The following ZNF469 variants were observed in gnomAD, a reference collection of about 807,000 sequenced individuals.
ZNF469 encodes the protein zinc finger protein 469.
A neutral mutation model predicts 1.0 loss-of-function variants in ZNF469; 1 was observed. That is an observed-to-expected ratio of 1.00 (90% CI 0.35 to 4.73). The LOEUF (loss-of-function observed/expected upper bound fraction) is 4.73. Ranked by LOEUF, ZNF469 falls within the 30% of genes most tolerant of loss-of-function variation. The probability of loss-of-function intolerance (pLI) is 0.16; values close to 1 mark genes in which losing one functional copy is unlikely to be tolerated. For missense variants in ZNF469, 6,100 were observed against 5,356.3 expected (o/e 1.14, Z -4.33); for synonymous variants, 2,703 against 2,363.4 (o/e 1.14, Z -4.17).
rs1281294858 is a variant in ZNF469 at position 88,431,663 on chromosome 16, T to G, written c.4193T>G (p.Leu1398Arg). Reference protein sequence around the residue: ...KDLAGCFLEELHPKPSARDAP... With the variant: ...KDLAGCFLEERHPKPSARDAP... ...CTGGCTGGCTGTTTCCTGGAAGAACTGCACCCCAAGCCCTCAGCCAGGGAT... is the reference window on the plus strand; with the variant it reads ...CTGGCTGGCTGTTTCCTGGAAGAACGGCACCCCAAGCCCTCAGCCAGGGAT... Residue 1398 changes from leucine (L) to arginine (R), a missense_variant, in exon 3 of 3, where the codon CTG (leucine) becomes CGG (arginine). Physicochemically the swap from Leu to Arg is moderately radical, Grantham distance 102 (BLOSUM62 -2). Transcript: ENST00000565624. The G allele has an allele frequency of 1.5e-5, 23 of 1,550,396 alleles. No individual in the cohort carries two copies. The highest frequency in any genetic ancestry group is 1.8e-5 in the Non-Finnish European group (21 of 1,146,966).
the ZNF469 span, among the ~76,000 whole-genome samples, chr16:88,355,208 C>T: frequency 2.0e-5 from 3 of 152,194 alleles, no homozygotes; most frequent in Non-Finnish European, 4.4e-5. Context: ...CTCCCAGAGT[C>T]CACTGTGCAG....
rs1005796751 is a variant in ZNF469, at chr16:88,435,868, C to A, written c.8398C>A (p.Leu2800Met). 41 of 1,550,162 alleles carry A rather than the reference C, an allele frequency of 2.6e-5. No homozygotes were observed. The highest frequency in any genetic ancestry group is 3.5e-5 in the Non-Finnish European group (40 of 1,146,964). ...GGAGAACACGCCCCCCTTGGGCCCC[C>A]TGGGTTTTCCCGAGACTTCCAGCTC... ...WEENTPPLGPLGFPETSSSPA... is the reference protein window; with the variant it reads ...WEENTPPLGPMGFPETSSSPA... Residue 2800 changes from leucine (L) to methionine (M), a missense_variant, in exon 3 of 3, where the codon CTG (leucine) becomes ATG (methionine). Coordinates refer to ENST00000565624, the MANE Select transcript of ZNF469 (RefSeq NM_001367624.2).
In ZNF469 at chr16:88,434,084, A is replaced by T; in HGVS notation, c.6614A>T (p.Asp2205Val). ...APPSLTTSPC[D>V]PKEALAGCLL... ...CCGTCTTTGACAACAAGCCCCTGCG[A>T]TCCCAAGGAAGCCCTGGCTGGTTGC... The change falls in exon 3 of 3, where the codon GAT becomes GTT. Residue 2205 changes from aspartate (D) to valine (V), a missense_variant. Coordinates refer to ENST00000565624, the MANE Select transcript of ZNF469 (RefSeq NM_001367624.2). 1 of 1,550,370 alleles carries T rather than the reference A, an allele frequency of 6.5e-7. No homozygotes were observed. Among genetic ancestry groups the T allele is most frequent in the Non-Finnish European group, 8.7e-7 (1 of 1,146,942 alleles).
At chr16:88,380,345 ACACACATGCG>A (rs1181175980), upstream of ZNF469, among the ~76,000 whole-genome samples, 862 of 111,122 alleles carry the variant, frequency 7.8e-3, 47 homozygotes, top group African/African-American at 0.03. Flanking sequence ...ACATGCGCTC[ACACACATGCG>A]CTCACACACA....
chr16:88,303,101 GTGTC>G, the ZNF469 span, among the ~76,000 whole-genome samples: 1 of 152,170 alleles, frequency 6.6e-6, no homozygotes, highest in South Asian at 2.1e-4. Context: ...TACTCCCCTG[GTGTC>G]TGTCTGTTAA....
intron 1 of ZNF469, among the ~76,000 whole-genome samples, chr16:88,403,557 G>A (rs1018251214): frequency 6.6e-5 from 10 of 151,742 alleles, no homozygotes; most frequent in Non-Finnish European, 1.3e-4. Flanking sequence ...CGAGGCCACC[G>A]TCTGCAGAGG....
At chr16:88,137,777 C>G in the ZNF469 span, among the ~76,000 whole-genome samples, 1 of 152,162 alleles carries the variant, frequency 6.6e-6, no homozygotes, top group South Asian at 2.1e-4. Context: ...TTCTTTACAA[C>G]TGAGGAGGAG....
At chr16:88,379,932 A>G (rs1199439808), upstream of ZNF469, among the ~76,000 whole-genome samples, 1 of 152,132 alleles carries the variant, frequency 6.6e-6, no homozygotes, top group Non-Finnish European at 1.5e-5. Context: ...CCCTGTTGTC[A>G]CCATGCTTGT....
chr16:88,372,074 TCACCACCATCATCACCATCAC>T, the ZNF469 span, among the ~76,000 whole-genome samples: 2 of 3,990 alleles, frequency 5.0e-4, no homozygotes, highest in Admixed American at 6.7e-3. Context: ...ATCATCACCA[TCACCACCATCATCACCATCAC>T]CACCATCATC....
chr16:88,388,590 C>T (rs1385997606), intron 1 of ZNF469, among the ~76,000 whole-genome samples: 1 of 152,216 alleles, frequency 6.6e-6, no homozygotes, highest in African/African-American at 2.4e-5. Context: ...CTCTGCATTC[C>T]GGGCAGGGGC....
chr16:88,180,986 G>A, the ZNF469 span, among the ~76,000 whole-genome samples: 1 of 152,094 alleles, frequency 6.6e-6, no homozygotes. Context: ...AAACCAGTAA[G>A]GATGTAGAAC....
At chr16:88,197,098 T>C in the ZNF469 span, among the ~76,000 whole-genome samples, 3 of 152,214 alleles carry the variant, frequency 2.0e-5, no homozygotes, top group Non-Finnish European at 2.9e-5. Context: ...CACTTCCCTA[T>C]AGATCTAATC....
At chr16:88,398,901 C>G (rs1405025750) in intron 1 of ZNF469, among the ~76,000 whole-genome samples, 3 of 152,232 alleles carry the variant, frequency 2.0e-5, no homozygotes, top group African/African-American at 7.2e-5. Context: ...CTCGTCTGCA[C>G]TCACTCTGAC....
At chr16:88,247,031 G>GTGAA in the ZNF469 span, among the ~76,000 whole-genome samples, 9 of 132,700 alleles carry the variant, frequency 6.8e-5, no homozygotes, top group Non-Finnish European at 1.1e-4. Flanking sequence ...GAGTGAATGA[G>GTGAA]TGAATGAGTG....
At chr16:88,132,131 C>T in the ZNF469 span, among the ~76,000 whole-genome samples, 1,644 of 152,304 alleles carry the variant, frequency 0.011, 26 homozygotes, top group African/African-American at 0.038. Flanking sequence ...TCTGTGGCCC[C>T]GGCCATACCG....
At chr16:88,147,180 AC>A in the ZNF469 span, among the ~76,000 whole-genome samples, 1 of 152,012 alleles carries the variant, frequency 6.6e-6, no homozygotes, top group African/African-American at 2.4e-5. Flanking sequence ...TGGAGCTGCC[AC>A]GCAGCTGGCT....
At position 88,440,258 on chromosome 16, in the gene ZNF469, G is replaced by A. The variant is rs1183601099; in HGVS notation, c.*926G>A. ...CAGGGAGGCCCCACCATGGCTTGTC[G>A]AGGGCACGGGCACCTGCATGGCGGC... On this transcript the variant is annotated 3_prime_UTR_variant, in exon 3 of 3. Coordinates refer to ENST00000565624, the MANE Select transcript of ZNF469 (RefSeq NM_001367624.2). 3 of 152,156 alleles carry A rather than the reference G, an allele frequency of 2.0e-5. No homozygotes were observed. The highest frequency in any genetic ancestry group is 2.9e-5 in the Non-Finnish European group (2 of 68,010). The allele number at this position is 152,156 out of a possible 1,614,324, so 9.4% of individuals were successfully genotyped here.
chr16:88,186,171 T>G, the ZNF469 span, among the ~76,000 whole-genome samples: 2 of 152,054 alleles, frequency 1.3e-5, no homozygotes, highest in African/African-American at 4.8e-5. Context: ...GTCCACAAGG[T>G]GGGTGTGGGT....
At chr16:88,359,102 G>C in the ZNF469 span, among the ~76,000 whole-genome samples, 1 of 152,234 alleles carries the variant, frequency 6.6e-6, no homozygotes, top group Admixed American at 6.5e-5. Flanking sequence ...CTATTCAGAG[G>C]ATCTGTGGCA....
Sources: gnomAD v4.1 joint callset for allele counts (sites outside exome capture counted in the v4.1 genomes callset) on GRCh38, gnomAD v4.1.1 for gene constraint, MANE v1.5 for transcripts, NCBI Gene and HGNC (gene_info 2026-07-23, HGNC 2026-07-21) for gene names.